Variants in PHF10 observed in about 807,000 individuals in gnomAD.
The protein encoded by PHF10 is PHD finger protein 10.
A neutral mutation model predicts 68.5 loss-of-function variants in PHF10; 51 were observed. That is an observed-to-expected ratio of 0.74 (90% CI 0.59 to 0.94). The LOEUF is 0.94. Ranked by LOEUF, PHF10 falls within the 40% of genes least tolerant of loss-of-function variation. The pLI is 0.00. For missense variants in PHF10, 460 were observed against 602.6 expected (o/e 0.76, Z 2.48); for synonymous variants, 204 against 203.5 (o/e 1.00, Z -0.02).
chr6:169,704,033 G>C lies in PHF10; in HGVS notation c.1467C>G (p.Gly489=). The C allele has an allele frequency of 6.3e-7, 1 of 1,599,096 alleles. No individual in the cohort carries two copies. ...CCTCTTTGCTGTTTTTCCCCCTTCT[G>C]CCCACTTTCCTGGGTGTTGGGGGGG... is the stretch of plus-strand genomic sequence containing the variant. The part of the protein sequence containing the change: ...QRAPPTPRKV[G]RRGKNSKEG Residue 489 remains glycine, a synonymous_variant, in exon 12 of 12, where the codon GGC becomes GGG. Transcript: ENST00000339209.
In PHF10 at chr6:169,706,599, G is replaced by A. The variant is rs147268229; in HGVS notation, c.1114-875C>T. Among the ~76,000 whole-genome samples the A allele has an allele frequency of 1.8e-3, 269 of 152,162 alleles. 1 individual carries two copies. The highest frequency in any genetic ancestry group is 6.0e-3 in the African/African-American group (251 of 41,508). On this transcript the variant is annotated intron_variant, in intron 9 of 11. Transcript: ENST00000339209. Reference sequence around the variant, plus strand: ...ACCAGGGGAGGGAGGGCATCCGAACGTCACGGTCTTGACTGTTACAAAATG... The same window carrying A: ...ACCAGGGGAGGGAGGGCATCCGAACATCACGGTCTTGACTGTTACAAAATG...
chr6:169,705,867 G>C (rs1036890093), intron 9 of PHF10, 143 bp from the exon 10 acceptor site: 3 of 631,480 alleles, frequency 4.8e-6, no homozygotes, highest in Non-Finnish European at 8.7e-6. Context: ...CTTGACAGGA[G>C]TCTGCCTACA....
rs1788800378 is a variant in PHF10, at chr6:169,706,704, G to T, written c.1114-980C>A. 2.7e-5 allele frequency among the ~76,000 whole-genome samples: 4 copies of T among 147,728 alleles called. No individual in the cohort carries two copies. The South Asian group carries it at 8.5e-4, about 32-fold the overall frequency. On this transcript the variant is annotated intron_variant, in intron 9 of 11. Transcript: ENST00000339209. ...AAGCATGGGCCAAGAATGAAATGGG[G>T]TAAGGGGACATACATACATACATAC...
At chr6:169,714,482 C>G (rs1032030670) in intron 7 of PHF10, among the ~76,000 whole-genome samples, 3 of 152,192 alleles carry the variant, frequency 2.0e-5, no homozygotes. Context: ...TACAGAACCC[C>G]CAGCATCTGT....
Position 169,705,266 on chromosome 6 carries a change from G to A in PHF10, c.1278C>T (p.Tyr426=), listed in dbSNP as rs775110325. 3 of 1,613,294 alleles carry A rather than the reference G, an allele frequency of 1.9e-6. No individual in the cohort carries two copies. Among genetic ancestry groups the A allele is most frequent in the Non-Finnish European group, 2.5e-6 (3 of 1,179,332 alleles). Residue 426 remains tyrosine (Y), a synonymous_variant, in exon 11 of 12, where the codon TAC becomes TAT. Transcript: ENST00000339209. ...TMELVSMIKT[Y]PWQCMECKTC... ...TTTTACATTCCATACACTGCCATGG[G>A]TAGGTCTTAATCATAGAAACAAGCT...
rs752648792 is a variant in PHF10 at position 169,707,057 on chromosome 6, A to T, written c.1114-1333T>A. On this transcript the variant is annotated intron_variant, in intron 9 of 11. Transcript: ENST00000339209. ...AAAAGAATTTTTGGCTTATTTATTT[A>T]AAAAAAGTCAACCTTATACATAAAT... 52 of 152,130 alleles carry T rather than the reference A, an allele frequency of 3.4e-4. 1 individual carries two copies. The highest frequency in any genetic ancestry group is 6.6e-4 in the Non-Finnish European group (45 of 68,040). 9.4% of individuals were successfully genotyped at this position (152,130 alleles called of 1,614,324 possible). A position where few individuals can be genotyped will look rare whatever the true frequency, so the allele number is the denominator to read the frequency against.
rs1336620757 is a variant in PHF10, at chr6:169,721,049, T to A, written c.150A>T (p.Ser50=). ...TQPSKRRRMG[S]GDSSRSCETS... ...TTTCACAACTCCTAGAACTATCTCC[T>A]GAGCCCATTCGCCTCCTTTTGGATG... The change falls in exon 2 of 12, where the codon TCA becomes TCT. Residue 50 remains serine (S), a synonymous_variant. Coordinates refer to ENST00000339209, the MANE Select transcript of PHF10 (RefSeq NM_018288.4). 1 of 1,547,418 alleles carries A rather than the reference T, an allele frequency of 6.5e-7. No individual in the cohort carries two copies. Among genetic ancestry groups the A allele is most frequent in the Non-Finnish European group, 8.7e-7 (1 of 1,145,016 alleles).
In PHF10 at chr6:169,717,854, T is replaced by C. The variant is rs770141779; in HGVS notation, c.378A>G (p.Leu126=). The C allele has an allele frequency of 1.9e-6, 3 of 1,565,542 alleles. No individual in the cohort carries two copies. The highest frequency in any genetic ancestry group is 2.3e-5 in the East Asian group (1 of 44,336). ...SHKEKLYLRE[L]NVITETQCTL... is the part of the protein sequence containing the mutation. ...TGCACTGAGTTTCAGTAATGACATT[T>C]AGCTCTCTCAGGTAGAGTTTCTCCT... is the stretch of plus-strand genomic sequence containing the variant. Residue 126 remains leucine, a synonymous_variant, in exon 4 of 12, where the codon CTA becomes CTG. Coordinates refer to ENST00000339209, the MANE Select transcript of PHF10 (RefSeq NM_018288.4).
At chr6:169,704,509 A>G (rs1788703296) in intron 11 of PHF10, 1 of 180,520 alleles carries the variant, frequency 5.5e-6, no homozygotes, top group South Asian at 2.0e-4. Flanking sequence ...GCACTTTAAA[A>G]CTTTAACAGC....
intron 9 of PHF10, among the ~76,000 whole-genome samples, chr6:169,706,072 C>T (rs1788775508): frequency 6.6e-6 from 1 of 151,962 alleles, no homozygotes; most frequent in African/African-American, 2.4e-5. Flanking sequence ...TAGCAAATGA[C>T]CATTATGTGT....
intron 8 of PHF10, 46 bp downstream of exon 8, chr6:169,712,340 T>C: frequency 6.4e-7 from 1 of 1,551,490 alleles, no homozygotes; most frequent in Non-Finnish European, 8.9e-7. Context: ...GTAACAAAAA[T>C]TCAAAGAGAA....
intron 9 of PHF10, among the ~76,000 whole-genome samples, chr6:169,706,658 CAG>C (rs1193620618): frequency 1.3e-5 from 2 of 149,802 alleles, no homozygotes; most frequent in African/African-American, 4.9e-5. Context: ...AAGTAAATAA[CAG>C]TGGTAAAAAA....
At chr6:169,706,643 G>T (rs573965295) in intron 9 of PHF10, among the ~76,000 whole-genome samples, 40 of 151,434 alleles carry the variant, frequency 2.6e-4, no homozygotes, top group Admixed American at 2.3e-3. Flanking sequence ...TCATGCTATA[G>T]AAATAAGTAA....
intron 11 of PHF10, chr6:169,704,415 T>G: frequency 3.6e-6 from 1 of 276,184 alleles, no homozygotes; most frequent in Non-Finnish European, 7.1e-6. Flanking sequence ...GGAATTTGGC[T>G]TTTTTAAGAC....
intron 1 of PHF10, 56 bp from the exon 2 acceptor site, chr6:169,721,167 A>G (rs554530904): frequency 1.0e-6 from 1 of 990,206 alleles, no homozygotes; most frequent in South Asian, 1.4e-5. Context: ...AAGAACAGTA[A>G]GTCTCAATAA....
Position 169,724,093 on chromosome 6 carries a change from G to A in PHF10, c.-162C>T. The A allele has an allele frequency of 7.2e-6, 1 of 139,008 alleles. No homozygotes were observed. Among genetic ancestry groups the A allele is most frequent in the Admixed American group, 7.1e-5 (1 of 14,146 alleles). The allele number at this position is 139,008 out of a possible 1,614,324, so 8.6% of individuals were successfully genotyped here. On this transcript the variant is annotated 5_prime_UTR_variant, in exon 1 of 12. Coordinates refer to ENST00000339209, the MANE Select transcript of PHF10 (RefSeq NM_018288.4). ...CCCGGGGGCCGGCCCCTGCCGCCGC[G>A]CGCCCCGCGGCCCGCCAGCGCCGCC... is the stretch of plus-strand genomic sequence containing the variant.
Position 169,710,335 on chromosome 6 carries a change from G to A in PHF10, c.1014C>T (p.Asp338=). The A allele has an allele frequency of 6.2e-7, 1 of 1,611,774 alleles. No individual in the cohort carries two copies. Among genetic ancestry groups the A allele is most frequent in the Non-Finnish European group, 8.5e-7 (1 of 1,177,928 alleles). The change falls in exon 9 of 12, where the codon GAC becomes GAT. Residue 338 remains aspartate, a synonymous_variant. Transcript: ENST00000339209. ...TTGATTTCTGTCTTCCCTGGAAAGAGTCCTCCTGGCTGTCAGGAGGGCTTT... is the reference window on the plus strand; with the variant it reads ...TTGATTTCTGTCTTCCCTGGAAAGAATCCTCCTGGCTGTCAGGAGGGCTTT... ...EGESPPDSQE[D]SFQGRQKSKD...
Position 169,718,770 on chromosome 6 carries a change from T to G in PHF10, c.325+18A>C, listed in dbSNP as rs1789110877. 2.9e-6 allele frequency: 4 copies of G among 1,364,690 alleles called. No homozygotes were observed. The highest frequency in any genetic ancestry group is 2.9e-5 in the African/African-American group (2 of 68,940). 84.5% of individuals were successfully genotyped at this position (1,364,690 alleles called of 1,614,324 possible). Reference sequence around the variant, plus strand: ...AATTACTATCAATTATAAATTAATCTATTATATAAACTAGTACCTGGATAT... The same window carrying G: ...AATTACTATCAATTATAAATTAATCGATTATATAAACTAGTACCTGGATAT... On this transcript the variant is annotated intron_variant, in intron 3 of 11. Coordinates refer to ENST00000339209, the MANE Select transcript of PHF10 (RefSeq NM_018288.4).
chr6:169,715,839 T>C lies in PHF10; in HGVS notation c.562A>G (p.Thr188Ala). 6.2e-7 allele frequency: 1 copy of C among 1,611,830 alleles called. No individual in the cohort carries two copies. Among genetic ancestry groups the C allele is most frequent in the Non-Finnish European group, 8.5e-7 (1 of 1,179,208 alleles). ...ACTTTACTGGCTTCAACTTTCTGAGTATTCTGTTGTTGCATTTGCTGGAAA... is the reference window on the plus strand; with the variant it reads ...ACTTTACTGGCTTCAACTTTCTGAGCATTCTGTTGTTGCATTTGCTGGAAA... The part of the protein sequence containing the change: ...KEYSQMQQQN[T>A]QKVEASKVPE... Residue 188 changes from threonine (T) to alanine (A), a missense_variant, in exon 6 of 12, where the codon ACT becomes GCT. This residue lies in a region of PHF10 where 256 missense variants were observed against 410.5 expected (regional missense o/e 0.62). Transcript: ENST00000339209.
Sources: allele counts gnomAD v4.1 joint callset (sites outside exome capture counted in the v4.1 genomes callset), GRCh38; gene constraint gnomAD v4.1.1; regional missense constraint gnomAD v4.1.1; transcripts MANE v1.5; gene names NCBI Gene and HGNC (gene_info 2026-07-23, HGNC 2026-07-21).